Variants in SPRED2 observed in about 807,000 individuals in gnomAD.
SPRED2 encodes sprouty related EVH1 domain containing 2.
In SPRED2, 47 loss-of-function variants were observed where a neutral mutation model predicts 43.0. The observed-to-expected ratio is 1.09, with a 90% CI of 0.87 to 1.40. The LOEUF is 1.40. Ranked by LOEUF, SPRED2 falls within the 40% of genes most tolerant of loss-of-function variation. The pLI, the probability that SPRED2 is intolerant of heterozygous loss-of-function variation, is 0.00. For missense variants in SPRED2, 561 were observed against 586.4 expected (o/e 0.96, Z 0.45); for synonymous variants, 225 against 225.7 (o/e 1.00, Z 0.03).
chr2:65,362,698 A>C (rs1178381607), intron 1 of SPRED2, among the ~76,000 whole-genome samples: 1 of 152,028 alleles, frequency 6.6e-6, no homozygotes, highest in Non-Finnish European at 1.5e-5. Context: ...ATCTCTACCA[A>C]AAATACAAAA....
intron 1 of SPRED2, among the ~76,000 whole-genome samples, chr2:65,367,011 A>AC (rs1674996439): frequency 6.6e-6 from 1 of 152,222 alleles, no homozygotes; most frequent in Non-Finnish European, 1.5e-5. Context: ...ATTCTGGAGA[A>AC]CCACAAGTGC....
chr2:65,314,000 C>A lies in SPRED2; in HGVS notation c.758G>T (p.Arg253Leu). 4 of 1,613,856 alleles carry A rather than the reference C, an allele frequency of 2.5e-6. No homozygotes were observed. Among genetic ancestry groups the A allele is most frequent in the Non-Finnish European group, 3.4e-6 (4 of 1,180,020 alleles). ...CTTGGGGACCTCGCCCTTGGCGAAGCGCACGTAGGAGGAGTCCGCGTCCTC... is the reference window on the plus strand; with the variant it reads ...CTTGGGGACCTCGCCCTTGGCGAAGAGCACGTAGGAGGAGTCCGCGTCCTC... ...PSEDADSSYV[R>L]FAKGEVPKHD... Residue 253 changes from arginine to leucine, a missense_variant, in exon 6 of 6, where the codon CGC becomes CTC. Arg to Leu is a moderately radical substitution (Grantham distance 102). Around this residue, in one of 6 missense-constraint regions of SPRED2, gnomAD observed 164 missense variants for 164.1 expected, o/e 1.00. Coordinates refer to ENST00000356388, the MANE Select transcript of SPRED2 (RefSeq NM_181784.3).
chr2:65,315,440 C>T (rs1305520044), intron 5 of SPRED2, among the ~76,000 whole-genome samples: 10 of 152,264 alleles, frequency 6.6e-5, no homozygotes, highest in Middle Eastern at 3.4e-3. Flanking sequence ...ATTAGATTTA[C>T]CCATCACTTC....
intron 2 of SPRED2, among the ~76,000 whole-genome samples, chr2:65,338,935 C>T (rs1267563404): frequency 5.6e-5 from 8 of 143,192 alleles, no homozygotes; most frequent in East Asian, 2.1e-4. Context: ...ATGTGGGGAG[C>T]GCCTCTGCCC....
At chr2:65,350,420 T>C (rs945653480) in intron 1 of SPRED2, among the ~76,000 whole-genome samples, 8 of 152,166 alleles carry the variant, frequency 5.3e-5, no homozygotes, top group Non-Finnish European at 1.2e-4. Context: ...AAACCCCAAC[T>C]GAATGGAGCC....
At chr2:65,325,218 T>C (rs559447205) in intron 4 of SPRED2, among the ~76,000 whole-genome samples, 10 of 152,214 alleles carry the variant, frequency 6.6e-5, no homozygotes, top group Non-Finnish European at 1.3e-4. Context: ...ATCATCCTCA[T>C]GTTCCCAGGA....
chr2:65,329,487 G>C (rs1283242392), intron 4 of SPRED2, among the ~76,000 whole-genome samples: 1 of 152,216 alleles, frequency 6.6e-6, no homozygotes, highest in Non-Finnish European at 1.5e-5. Flanking sequence ...GAAATTAAGT[G>C]GTGCTCTTTC....
chr2:65,374,845 G>GGA (rs1344979666), intron 1 of SPRED2, among the ~76,000 whole-genome samples: 1 of 152,232 alleles, frequency 6.6e-6, no homozygotes, highest in African/African-American at 2.4e-5. Context: ...TCTGCATAGG[G>GGA]GAGGCATGTG....
At chr2:65,347,525 AATCAC>A (rs1674388472) in intron 1 of SPRED2, among the ~76,000 whole-genome samples, 1 of 151,980 alleles carries the variant, frequency 6.6e-6, no homozygotes, top group Non-Finnish European at 1.5e-5. Context: ...AAATAGACAA[AATCAC>A]AGGAGACCTT....
chr2:65,406,801 A>T (rs1189229493), intron 1 of SPRED2, among the ~76,000 whole-genome samples: 1 of 152,210 alleles, frequency 6.6e-6, no homozygotes, highest in East Asian at 1.9e-4. Context: ...GCACTTCCTT[A>T]GAGATAAAAT....
chr2:65,308,578 G>C (rs1672988252), downstream of SPRED2: 1 of 985,422 alleles, frequency 1.0e-6, no homozygotes, highest in Non-Finnish European at 1.2e-6. Context: ...CAGGGCCTCA[G>C]AATAAAAAAG....
chr2:65,399,104 C>G (rs1675822555), intron 1 of SPRED2, among the ~76,000 whole-genome samples: 1 of 151,810 alleles, frequency 6.6e-6, no homozygotes, highest in Non-Finnish European at 1.5e-5. Context: ...CGGTGAAACC[C>G]TGTCTCTCTT....
At chr2:65,348,193 C>G (rs1674406723) in intron 1 of SPRED2, among the ~76,000 whole-genome samples, 1 of 152,160 alleles carries the variant, frequency 6.6e-6, no homozygotes, top group Non-Finnish European at 1.5e-5. Flanking sequence ...CAACTGAGTT[C>G]ATTCTCTTAT....
chr2:65,394,769 T>C (rs1020135556), intron 1 of SPRED2, among the ~76,000 whole-genome samples: 5 of 152,156 alleles, frequency 3.3e-5, no homozygotes, highest in African/African-American at 1.2e-4. Context: ...CCGATCACAG[T>C]GAGGCGCAGG....
rs770821260 is a variant in SPRED2 at position 65,344,734 on chromosome 2, T to C, written c.189A>G (p.Arg63=). Residue 63 remains arginine (R), a synonymous_variant, in exon 2 of 6, where the codon CGA becomes CGG. Coordinates refer to ENST00000356388, the MANE Select transcript of SPRED2 (RefSeq NM_181784.3). ...GRSGFLIHGE[R]QKDKLVVLEC... is the part of the protein sequence containing the mutation. ...CTGCCATTACCAGTTTGTCTTTCTG[T>C]CGTTCACCATGGATGAGAAAGCCGC... 1.9e-6 allele frequency: 3 copies of C among 1,614,158 alleles called. No individual in the cohort carries two copies. The highest frequency in any genetic ancestry group is 1.1e-5 in the South Asian group (1 of 91,076).
chr2:65,352,872 C>T (rs1674550871), intron 1 of SPRED2, among the ~76,000 whole-genome samples: 1 of 152,242 alleles, frequency 6.6e-6, no homozygotes, highest in Admixed American at 6.5e-5. Context: ...GATCCACCTG[C>T]CTCAGCATCC....
At chr2:65,316,971 T>A in intron 4 of SPRED2, 88 bp from the exon 5 acceptor site, 1 of 1,370,704 alleles carries the variant, frequency 7.3e-7, no homozygotes, top group Non-Finnish European at 1.0e-6. Flanking sequence ...ATTCAAATAC[T>A]AGCTATTCCC....
chr2:65,423,746 GT>G (rs1290748223), intron 1 of SPRED2, among the ~76,000 whole-genome samples: 1 of 149,204 alleles, frequency 6.7e-6, no homozygotes, highest in Admixed American at 6.7e-5. Context: ...GTGCTAAAAT[GT>G]TTTACCAAGG....
chr2:65,357,641 G>C (rs1674694359), intron 1 of SPRED2, among the ~76,000 whole-genome samples: 1 of 152,148 alleles, frequency 6.6e-6, no homozygotes, highest in Non-Finnish European at 1.5e-5. Flanking sequence ...TTACTGGATA[G>C]GCAACTGATT....
Sources: allele counts gnomAD v4.1 joint callset (sites outside exome capture counted in the v4.1 genomes callset), GRCh38; gene constraint gnomAD v4.1.1; regional missense constraint gnomAD v4.1.1; transcripts MANE v1.5; gene names NCBI Gene and HGNC (gene_info 2026-07-23, HGNC 2026-07-21).